Variants in ARHGAP15 observed in about 807,000 individuals in gnomAD.
ARHGAP15 encodes rho GTPase-activating protein 15.
Under a neutral mutation model 63.7 loss-of-function variants are expected in ARHGAP15, and 51 were observed. That is an observed-to-expected ratio of 0.80 (90% CI 0.64 to 1.01). The LOEUF (loss-of-function observed/expected upper bound fraction) is 1.01, where lower values mean the gene tolerates loss of function less well. ARHGAP15 is among the 50% of genes least tolerant of loss of function. ARHGAP15 has a pLI of 0.00. For missense variants in ARHGAP15, 560 were observed against 564.6 expected, an observed-to-expected ratio of 0.99 and a Z score of 0.08; for synonymous variants, 191 against 193.8, an observed-to-expected ratio of 0.99 and a Z score of 0.12.
intron 12 of ARHGAP15, among the ~76,000 whole-genome samples, chr2:143,632,783 G>T (rs558820009): frequency 2.0e-5 from 3 of 152,210 alleles, no homozygotes; most frequent in South Asian, 2.1e-4. Flanking sequence ...AGGTAATTGT[G>T]GGGGGAAAAG....
chr2:143,281,968 TTG>T (rs1681872686), intron 6 of ARHGAP15, among the ~76,000 whole-genome samples: 1 of 152,152 alleles, frequency 6.6e-6, no homozygotes, highest in Non-Finnish European at 1.5e-5. Context: ...CTAAATGAAC[TTG>T]TTATAGATGG....
At chr2:143,581,668 A>G (rs531334226) in intron 11 of ARHGAP15, among the ~76,000 whole-genome samples, 1 of 152,290 alleles carries the variant, frequency 6.6e-6, no homozygotes, top group East Asian at 1.9e-4. Flanking sequence ...TAGTACAACA[A>G]TGTAAATAAA....
chr2:143,538,672 T>C (rs1355008344), intron 10 of ARHGAP15, among the ~76,000 whole-genome samples: 1 of 152,214 alleles, frequency 6.6e-6, no homozygotes, highest in Non-Finnish European at 1.5e-5. Flanking sequence ...CTGTTTATGC[T>C]GGATTACGTT....
chr2:143,496,130 G>T (rs1454946336), intron 9 of ARHGAP15, among the ~76,000 whole-genome samples: 2 of 151,988 alleles, frequency 1.3e-5, no homozygotes, highest in Non-Finnish European at 2.9e-5. Context: ...TGGTTCCTTT[G>T]CATTTATAGT....
intron 11 of ARHGAP15, among the ~76,000 whole-genome samples, chr2:143,564,430 T>A (rs1262150372): frequency 1.3e-5 from 2 of 152,150 alleles, no homozygotes; most frequent in African/African-American, 4.8e-5. Flanking sequence ...ATAAATATTT[T>A]TGAAGCTCAT....
At chr2:143,250,397 A>T (rs900375380) in intron 5 of ARHGAP15, 114 bp from the exon 6 acceptor site, 20 of 701,742 alleles carry the variant, frequency 2.9e-5, no homozygotes, top group Non-Finnish European at 4.4e-5. Context: ...GGGAAAACAA[A>T]AAAGGCATTA....
chr2:143,534,195 T>TA (rs1394509670), intron 10 of ARHGAP15, among the ~76,000 whole-genome samples: 1 of 152,192 alleles, frequency 6.6e-6, no homozygotes. Context: ...GATGGCTTTA[T>TA]AAGGGGCTCT....
At chr2:143,710,431 C>T (rs1393270126) in intron 13 of ARHGAP15, among the ~76,000 whole-genome samples, 1 of 152,168 alleles carries the variant, frequency 6.6e-6, no homozygotes, top group Non-Finnish European at 1.5e-5. Context: ...ACTTAGGAGA[C>T]ATCTTGGCAT....
At chr2:143,284,863 A>T (rs1204329668) in intron 6 of ARHGAP15, among the ~76,000 whole-genome samples, 1 of 152,204 alleles carries the variant, frequency 6.6e-6, no homozygotes, top group Non-Finnish European at 1.5e-5. Context: ...TTTCAGCCTA[A>T]GAGTGGTAGA....
At chr2:143,319,892 T>C (rs1384283931) in intron 6 of ARHGAP15, among the ~76,000 whole-genome samples, 1 of 152,238 alleles carries the variant, frequency 6.6e-6, no homozygotes, top group Non-Finnish European at 1.5e-5. Flanking sequence ...ACATTCTACA[T>C]AGAGTACACC....
intron 6 of ARHGAP15, among the ~76,000 whole-genome samples, chr2:143,257,325 T>G (rs1210204558): frequency 6.6e-6 from 1 of 152,106 alleles, no homozygotes; most frequent in Non-Finnish European, 1.5e-5. Context: ...GGTCCCCAAT[T>G]AGTGAAGGGA....
intron 6 of ARHGAP15, among the ~76,000 whole-genome samples, chr2:143,342,677 TTTG>T (rs750164456): frequency 1.3e-4 from 20 of 152,090 alleles, no homozygotes; most frequent in African/African-American, 2.7e-4. Flanking sequence ...GAATTATTTC[TTTG>T]TTAAGTCTGT....
At chr2:143,379,536 AG>A (rs1686973592) in intron 6 of ARHGAP15, among the ~76,000 whole-genome samples, 1 of 116,194 alleles carries the variant, frequency 8.6e-6, no homozygotes, top group Non-Finnish European at 2.0e-5. Context: ...TGTGTGTATG[AG>A]AGAGAGAGAA....
rs1370373445 is a variant in ARHGAP15, at chr2:143,556,444, A to G, written c.962A>G (p.Asn321Ser). 2.8e-5 allele frequency: 45 copies of G among 1,612,408 alleles called. No homozygotes were observed. The Admixed American group carries it at 7.5e-4, about 27-fold the overall frequency. Residue 321 changes from asparagine (N) to serine (S), a missense_variant, in exon 11 of 14, where the codon AAT becomes AGT. Physicochemically the swap from Asn to Ser is conservative, Grantham distance 46. Coordinates refer to ENST00000295095, the MANE Select transcript of ARHGAP15 (RefSeq NM_018460.4). ...DVDGIYRVSG[N>S]LATIQKLRFI... The stretch of plus-strand genomic sequence containing the variant: ...GATGGAATATATCGAGTTAGTGGCA[A>G]TCTGGCAACAATACAGAAGTTAAGA...
chr2:143,521,373 G>T (rs1694056202), intron 10 of ARHGAP15, among the ~76,000 whole-genome samples: 1 of 152,054 alleles, frequency 6.6e-6, no homozygotes, highest in Non-Finnish European at 1.5e-5. Context: ...CATTTTGTTG[G>T]ATTAATATTC....
chr2:143,269,783 T>G (rs1477607193), intron 6 of ARHGAP15, among the ~76,000 whole-genome samples: 1 of 152,122 alleles, frequency 6.6e-6, no homozygotes, highest in African/African-American at 2.4e-5. Context: ...TAAATCATTC[T>G]CAGGGATATA....
At chr2:143,386,600 G>T (rs893152224) in intron 6 of ARHGAP15, among the ~76,000 whole-genome samples, 1 of 152,000 alleles carries the variant, frequency 6.6e-6, no homozygotes, top group African/African-American at 2.4e-5. Context: ...ATAATAAAGG[G>T]CCAACAGCAC....
chr2:143,494,066 T>TG (rs1315007341), intron 9 of ARHGAP15, among the ~76,000 whole-genome samples: 7 of 152,202 alleles, frequency 4.6e-5, no homozygotes, highest in Admixed American at 3.3e-4. Context: ...GACAGGATTT[T>TG]TAAATTTTAT....
intron 6 of ARHGAP15, among the ~76,000 whole-genome samples, chr2:143,276,112 C>A (rs947603308): frequency 6.6e-6 from 1 of 152,220 alleles, no homozygotes; most frequent in African/African-American, 2.4e-5. Context: ...CTTAAAGAGA[C>A]TGGTGTGAAA....
Sources: gnomAD v4.1 joint callset for allele counts (sites outside exome capture counted in the v4.1 genomes callset) on GRCh38, gnomAD v4.1.1 for gene constraint, MANE v1.5 for transcripts, NCBI Gene and HGNC (gene_info 2026-07-23, HGNC 2026-07-21) for gene names.